C10orf71: variants seen among roughly 807,000 people sequenced by gnomAD.
The protein encoded by C10orf71 is cardiac-enriched FHL2-interacting protein.
For missense variants in C10orf71, 1,869 were observed against 1,804.5 expected, an observed-to-expected ratio of 1.04 and a Z score of -0.65; for synonymous variants, 758 against 726.3, an observed-to-expected ratio of 1.04 and a Z score of -0.70.
chr10:49,299,981 G>A (rs1189092649), intron 1 of C10orf71, among the ~76,000 whole-genome samples: 2 of 152,224 alleles, frequency 1.3e-5, no homozygotes, highest in Admixed American at 6.5e-5. Flanking sequence ...CCCTGGGAGG[G>A]CCCCCACCAG....
Position 49,323,349 on chromosome 10 carries a change from CT to C in C10orf71, c.807del (p.Leu270CysfsTer43). ...TGEPGRGKGTFLHSENSAFES... is the reference protein window; with the variant it reads ...TGEPGRGKGTXLHSENSAFES... Reference sequence around the variant, plus strand: ...GTGAGCCTGGGAGAGGCAAAGGTACCTTTCTGCACAGTGAAAATAGTGCTTT... The same window carrying C: ...GTGAGCCTGGGAGAGGCAAAGGTACCTTCTGCACAGTGAAAATAGTGCTTT... On this transcript the variant is annotated frameshift_variant, in exon 3 of 3. Transcript: ENST00000374144. LOFTEE classifies it low-confidence loss of function (END_TRUNC). 1 of 1,613,910 alleles carries C rather than the reference CT, an allele frequency of 6.2e-7. No homozygotes were observed. The highest frequency in any genetic ancestry group is 8.5e-7 in the Non-Finnish European group (1 of 1,179,832).
intron 2 of C10orf71, among the ~76,000 whole-genome samples, chr10:49,320,859 C>T (rs117026341): frequency 6.6e-6 from 1 of 152,220 alleles, no homozygotes; most frequent in Non-Finnish European, 1.5e-5. Context: ...GGCGGAAGTT[C>T]CTCTTCCTCA....
intron 1 of C10orf71, among the ~76,000 whole-genome samples, chr10:49,314,750 G>A (rs1054495318): frequency 3.3e-5 from 5 of 152,300 alleles, no homozygotes; most frequent in Admixed American, 1.3e-4. Context: ...ATGCAAATGG[G>A]CTGATCTGAA....
Position 49,325,632 on chromosome 10 carries a change from A to G in C10orf71, c.3087A>G (p.Pro1029=), listed in dbSNP as rs1849216192. The G allele has an allele frequency of 6.4e-7, 1 of 1,552,102 alleles. No individual in the cohort carries two copies. Among genetic ancestry groups the G allele is most frequent in the East Asian group, 2.4e-5 (1 of 40,910 alleles). Reference sequence around the variant, plus strand: ...AAAACTGTTGGGAAGAGCAAACACCAGGTTTCAAGAGTCACTTTTTGTCCA... The same window carrying G: ...AAAACTGTTGGGAAGAGCAAACACCGGGTTTCAAGAGTCACTTTTTGTCCA... The part of the protein sequence containing the change: ...QPENCWEEQT[P]GFKSHFLSTP... Residue 1029 remains proline (P), a synonymous_variant, in exon 3 of 3, where the codon CCA becomes CCG. Coordinates refer to ENST00000374144, the MANE Select transcript of C10orf71 (RefSeq NM_001135196.2).
rs373131795 is a variant in C10orf71, at chr10:49,303,674, A to T, written c.-248+4441A>T. 6.6e-5 allele frequency among the ~76,000 whole-genome samples: 10 copies of T among 152,358 alleles called. 1 individual carries two copies. In the East Asian group the frequency reaches 1.7e-3, roughly 26 times the overall value. On this transcript the variant is annotated intron_variant, in intron 1 of 2. Transcript: ENST00000374144. ...TGCTCCAAGGAGCCAAGTTTTTCAC[A>T]TCAACACAGCCATAGGTTGAAATAA...
chr10:49,319,682 CTATATATA>C (rs60174377), intron 2 of C10orf71, among the ~76,000 whole-genome samples: 4,074 of 117,408 alleles, frequency 0.035, 140 homozygotes, highest in South Asian at 0.053. Flanking sequence ...CACACACAAG[CTATATATA>C]TATATATATA....
Position 49,324,136 on chromosome 10 carries a change from G to C in C10orf71, c.1591G>C (p.Val531Leu). The C allele has an allele frequency of 6.2e-7, 1 of 1,613,960 alleles. No individual in the cohort carries two copies. Among genetic ancestry groups the C allele is most frequent in the South Asian group, 1.1e-5 (1 of 91,064 alleles). Reference protein sequence around the residue: ...KVLDEKTRGKVDGKQEPVSNG... With the variant: ...KVLDEKTRGKLDGKQEPVSNG... ...GCTTGATGAGAAAACTAGAGGTAAG[G>C]TTGATGGAAAGCAAGAACCTGTGAG... The change falls in exon 3 of 3, where the codon GTT (valine) becomes CTT (leucine). Residue 531 changes from valine to leucine, a missense_variant. Coordinates refer to ENST00000374144, the MANE Select transcript of C10orf71 (RefSeq NM_001135196.2).
In C10orf71 at chr10:49,324,896, T is replaced by C; in HGVS notation, c.2351T>C (p.Leu784Ser). Residue 784 changes from leucine (L) to serine (S), a missense_variant, in exon 3 of 3, where the codon TTA becomes TCA. Transcript: ENST00000374144. Reference protein sequence around the residue: ...MRKDELQYCALSNGHACLENR... With the variant: ...MRKDELQYCASSNGHACLENR... Reference sequence around the variant, plus strand: ...AAGGATGAGCTGCAGTACTGTGCCTTAAGCAATGGGCACGCATGCCTGGAA... The same window carrying C: ...AAGGATGAGCTGCAGTACTGTGCCTCAAGCAATGGGCACGCATGCCTGGAA... 1 of 1,551,038 alleles carries C rather than the reference T, an allele frequency of 6.4e-7. No individual in the cohort carries two copies. Among genetic ancestry groups the C allele is most frequent in the Non-Finnish European group, 8.7e-7 (1 of 1,146,494 alleles).
chr10:49,323,318 T>C lies in C10orf71; in HGVS notation c.773T>C (p.Val258Ala), dbSNP rs1590339153. The C allele has an allele frequency of 9.9e-6, 16 of 1,613,844 alleles. No homozygotes were observed. Among genetic ancestry groups the C allele is most frequent in the East Asian group, 6.7e-5 (3 of 44,866 alleles). The change falls in exon 3 of 3, where the codon GTC (valine) becomes GCC (alanine). Residue 258 changes from valine to alanine, a missense_variant. Physicochemically the swap from Val to Ala is moderately conservative, Grantham distance 64. Coordinates refer to ENST00000374144, the MANE Select transcript of C10orf71 (RefSeq NM_001135196.2). ...SKFPSPHHKP[V>A]TGEPGRGKGT... ...TTCCCCTCTCCACACCACAAGCCAG[T>C]CACGGGTGAGCCTGGGAGAGGCAAA...
At chr10:49,316,868 A>G (rs894334239) in intron 2 of C10orf71, among the ~76,000 whole-genome samples, 3 of 152,130 alleles carry the variant, frequency 2.0e-5, no homozygotes, top group Admixed American at 6.5e-5. Context: ...ACTGAAAACC[A>G]AGGGGAGAGG....
chr10:49,316,332 T>G (rs1848999516), intron 2 of C10orf71, 85 bp downstream of exon 2: 1 of 150,254 alleles, frequency 6.7e-6, no homozygotes, highest in Admixed American at 6.7e-5. Flanking sequence ...GGGCTGGGGG[T>G]GGGGGGAGAA....
intron 1 of C10orf71, among the ~76,000 whole-genome samples, chr10:49,312,467 A>G (rs968451137): frequency 4.6e-5 from 7 of 152,230 alleles, no homozygotes; most frequent in African/African-American, 1.4e-4. Context: ...CACTGACCCT[A>G]TAATTTAGAT....
At chr10:49,317,463 C>T (rs1438352322) in intron 2 of C10orf71, among the ~76,000 whole-genome samples, 1 of 152,180 alleles carries the variant, frequency 6.6e-6, no homozygotes, top group Admixed American at 6.5e-5. Context: ...CAGAGTATGA[C>T]CTTTTGGAAA....
chr10:49,319,350 A>AT (rs1386829504), intron 2 of C10orf71, among the ~76,000 whole-genome samples: 1 of 152,052 alleles, frequency 6.6e-6, no homozygotes, highest in African/African-American at 2.4e-5. Flanking sequence ...AAAAAGAAAA[A>AT]AAAAAAGCAG....
chr10:49,301,398 C>T (rs1320459546), intron 1 of C10orf71, among the ~76,000 whole-genome samples: 1 of 152,112 alleles, frequency 6.6e-6, no homozygotes. Flanking sequence ...TCTCAGACAC[C>T]CCCTCATTTC....
rs184719382 is a variant in C10orf71, at chr10:49,314,881, C to A, written c.-247-1264C>A. Reference sequence around the variant, plus strand: ...AGGAAAAAAATCAGAATAAAGATAACCCAATTCAGAGCATTACCACAAACA... The same window carrying A: ...AGGAAAAAAATCAGAATAAAGATAAACCAATTCAGAGCATTACCACAAACA... On this transcript the variant is annotated intron_variant, in intron 1 of 2. Transcript: ENST00000374144. Among the ~76,000 whole-genome samples, 7 of 152,258 alleles carry A rather than the reference C, an allele frequency of 4.6e-5. No homozygotes were observed. The East Asian group carries it at 9.6e-4, about 21-fold the overall frequency.
intron 1 of C10orf71, among the ~76,000 whole-genome samples, chr10:49,307,888 T>A (rs1030147046): frequency 1.3e-5 from 2 of 152,214 alleles, no homozygotes; most frequent in Non-Finnish European, 2.9e-5. Context: ...TCCCTGGGTC[T>A]GTGATGCCAG....
At position 49,325,566 on chromosome 10, in the gene C10orf71, C is replaced by A. The variant is rs545241202; in HGVS notation, c.3021C>A (p.Pro1007=). 3.2e-6 allele frequency: 5 copies of A among 1,550,608 alleles called. No homozygotes were observed. In the African/African-American group the frequency reaches 6.8e-5, roughly 21 times the overall value. ...APWHIPTIAL[P]EGDIEDQPPP... is the part of the protein sequence containing the mutation. The stretch of plus-strand genomic sequence containing the variant: ...GGCACATCCCCACCATTGCTTTACC[C>A]GAGGGTGACATAGAAGACCAGCCAC... Residue 1007 remains proline, a synonymous_variant, in exon 3 of 3, where the codon CCC becomes CCA. Transcript: ENST00000374144.
chr10:49,326,765 G>C lies in C10orf71; in HGVS notation c.4220G>C (p.Ser1407Thr), dbSNP rs774136060. 219 of 1,551,104 alleles carry C rather than the reference G, an allele frequency of 1.4e-4. No individual in the cohort carries two copies. The South Asian group carries it at 2.1e-3, about 15-fold the overall frequency. Residue 1407 changes from serine (S) to threonine (T), a missense_variant, in exon 3 of 3, where the codon AGC becomes ACC. By Grantham distance (58) the Ser-to-Thr change is moderately conservative (BLOSUM62 1). Coordinates refer to ENST00000374144, the MANE Select transcript of C10orf71 (RefSeq NM_001135196.2). ...CAGCGCCCTCATGGTCCTCCCCAGA[G>C]CCCAGGAGAGGAGGGTGTAGAAGCT... ...AGQRPHGPPQ[S>T]PGEEGVEAPG...
Sources: gnomAD v4.1 joint callset for allele counts (sites outside exome capture counted in the v4.1 genomes callset) on GRCh38, gnomAD v4.1.1 for gene constraint, MANE v1.5 for transcripts, NCBI Gene and HGNC (gene_info 2026-07-23, HGNC 2026-07-21) for gene names.